The following CHRM1 variants were observed in gnomAD, a reference collection of about 807,000 sequenced individuals.
CHRM1 encodes muscarinic acetylcholine receptor M1.
Under a neutral mutation model 31.6 loss-of-function variants are expected in CHRM1, and 5 were observed. That is an observed-to-expected ratio of 0.16 (90% CI 0.08 to 0.33). The LOEUF (loss-of-function observed/expected upper bound fraction) is 0.33. CHRM1 is among the 10% of genes least tolerant of loss of function. CHRM1 has a pLI of 1.00. For missense variants in CHRM1, 338 were observed against 610.3 expected, an observed-to-expected ratio of 0.55 and a Z score of 4.70; for synonymous variants, 227 against 249.7, an observed-to-expected ratio of 0.91 and a Z score of 0.86.
Position 62,909,543 on chromosome 11 carries a change from T to C in CHRM1, c.*175A>G, listed in dbSNP as rs2085855791. On this transcript the variant is annotated 3_prime_UTR_variant, in exon 2 of 2. Transcript: ENST00000306960. ...CCGGGTTTCCCTCCCTGCCTGGGAATAGCGAAGTCTGGAAAGTTGGCAGGG... is the reference window on the plus strand; with the variant it reads ...CCGGGTTTCCCTCCCTGCCTGGGAACAGCGAAGTCTGGAAAGTTGGCAGGG... 1.4e-6 allele frequency: 1 copy of C among 715,160 alleles called. No individual in the cohort carries two copies. 44.3% of individuals were successfully genotyped at this position (715,160 alleles called of 1,614,324 possible).
rs1269038040 is a variant in CHRM1, at chr11:62,909,148, G to A, written c.*570C>T. On this transcript the variant is annotated 3_prime_UTR_variant, in exon 2 of 2. Coordinates refer to ENST00000306960, the MANE Select transcript of CHRM1 (RefSeq NM_000738.3). ...CTGATGCTTGGACATTTGCCTTGGA[G>A]TTGACCCACCTAGGGACCCTCTGAG... 1 of 153,864 alleles carries A rather than the reference G, an allele frequency of 6.5e-6. No homozygotes were observed. The highest frequency in any genetic ancestry group is 1.4e-5 in the Non-Finnish European group (1 of 69,290). 9.5% of individuals were successfully genotyped at this position (153,864 alleles called of 1,614,324 possible). A position where few individuals can be genotyped will look rare whatever the true frequency, so the allele number is the denominator to read the frequency against.
In CHRM1 at chr11:62,909,787, G is replaced by C; in HGVS notation, c.1314C>G (p.Asp438Glu). The C allele has an allele frequency of 6.2e-7, 1 of 1,614,214 alleles. No homozygotes were observed. Among genetic ancestry groups the C allele is most frequent in the South Asian group, 1.1e-5 (1 of 91,088 alleles). ...TFRLLLLCRWDKRRWRKIPKR... is the reference protein window; with the variant it reads ...TFRLLLLCRWEKRRWRKIPKR... Reference sequence around the variant, plus strand: ...TGGGGATCTTGCGCCAGCGTCTCTTGTCCCAGCGGCAAAGCAGCAGCAGGC... The same window carrying C: ...TGGGGATCTTGCGCCAGCGTCTCTTCTCCCAGCGGCAAAGCAGCAGCAGGC... Residue 438 changes from aspartate (D) to glutamate (E), a missense_variant, in exon 2 of 2, where the codon GAC (aspartate) becomes GAG (glutamate). By Grantham distance (45) the Asp-to-Glu change is conservative. Coordinates refer to ENST00000306960, the MANE Select transcript of CHRM1 (RefSeq NM_000738.3).
At chr11:62,913,125 G>T (rs188581571) in intron 1 of CHRM1, among the ~76,000 whole-genome samples, 3 of 152,122 alleles carry the variant, frequency 2.0e-5, no homozygotes, top group African/African-American at 7.2e-5. Context: ...CAGACTATCT[G>T]GATTTGAATC....
chr11:62,914,296 T>A (rs1413445553), intron 1 of CHRM1, among the ~76,000 whole-genome samples: 1 of 152,056 alleles, frequency 6.6e-6, no homozygotes, highest in African/African-American at 2.4e-5. Flanking sequence ...AGCAAGGGAA[T>A]TTGTACGAGA....
chr11:62,915,099 C>T (rs2085893540), intron 1 of CHRM1, among the ~76,000 whole-genome samples: 1 of 146,684 alleles, frequency 6.8e-6, no homozygotes, highest in Non-Finnish European at 1.5e-5. Context: ...CACTTGAGCC[C>T]AGGAGGCAGA....
intron 1 of CHRM1, among the ~76,000 whole-genome samples, chr11:62,916,330 T>A (rs931105852): frequency 6.6e-6 from 1 of 152,238 alleles, no homozygotes; most frequent in Non-Finnish European, 1.5e-5. Context: ...GAGGCAAGGC[T>A]GAAGGCTCAA....
chr11:62,909,728 C>G lies in CHRM1; in HGVS notation c.1373G>C (p.Arg458Pro). 1 of 1,613,460 alleles carries G rather than the reference C, an allele frequency of 6.2e-7. No homozygotes were observed. Among genetic ancestry groups the G allele is most frequent in the Non-Finnish European group, 8.5e-7 (1 of 1,179,582 alleles). ...CAGGAGAGGGGACTATCAGCATTGG[C>G]GGGAGGGAGTGCGGTGCACGGAGCC... ...RPGSVHRTPS[R>P]QC Residue 458 changes from arginine (R) to proline (P), a missense_variant, in exon 2 of 2, where the codon CGC becomes CCC. By Grantham distance (103) the Arg-to-Pro change is moderately radical. Coordinates refer to ENST00000306960, the MANE Select transcript of CHRM1 (RefSeq NM_000738.3).
chr11:62,918,449 C>A (rs1375370556), intron 1 of CHRM1: 3 of 152,236 alleles, frequency 2.0e-5, no homozygotes, highest in Admixed American at 1.3e-4. Flanking sequence ...GGTCCAGAGG[C>A]CCCTCTTCTC....
chr11:62,912,487 G>C (rs1180992493), intron 1 of CHRM1, among the ~76,000 whole-genome samples: 3 of 152,116 alleles, frequency 2.0e-5, no homozygotes, highest in African/African-American at 7.2e-5. Flanking sequence ...GGGTGTGGGA[G>C]GCTTCCCTCC....
intron 1 of CHRM1, among the ~76,000 whole-genome samples, chr11:62,916,629 G>A (rs143671688): frequency 1.5e-3 from 226 of 152,332 alleles, no homozygotes; most frequent in African/African-American, 5.3e-3. Flanking sequence ...CTGGATGGCA[G>A]GCACTTAATA....
intron 1 of CHRM1, chr11:62,917,852 A>G (rs532254426): frequency 1.3e-5 from 2 of 152,300 alleles, no homozygotes; most frequent in Admixed American, 6.5e-5. Flanking sequence ...TATACCAGAC[A>G]TGGCTCTAAG....
At position 62,909,918 on chromosome 11, in the gene CHRM1, C is replaced by G. The variant is rs1175739065; in HGVS notation, c.1183G>C (p.Val395Leu). The change falls in exon 2 of 2, where the codon GTT becomes CTT. Residue 395 changes from valine (V) to leucine (L), a missense_variant. Physicochemically the swap from Val to Leu is conservative, Grantham distance 32. Around this residue, in one of 4 missense-constraint regions of CHRM1, gnomAD observed 68 missense variants for 108.5 expected, o/e 0.63. Coordinates refer to ENST00000306960, the MANE Select transcript of CHRM1 (RefSeq NM_000738.3). ...CCCAGCTCCCACAGGGTCTCGGGAA[C>G]ACAGTCCTTGCAGAAGGTGGACACC... is the stretch of plus-strand genomic sequence containing the variant. ...VLVSTFCKDC[V>L]PETLWELGYW... The G allele has an allele frequency of 1.2e-6, 2 of 1,614,078 alleles. No homozygotes were observed. The highest frequency in any genetic ancestry group is 2.7e-5 in the African/African-American group (2 of 74,926).
In CHRM1 at chr11:62,910,636, C is replaced by T; in HGVS notation, c.465G>A (p.Val155=). The T allele has an allele frequency of 6.2e-7, 1 of 1,614,180 alleles. No individual in the cohort carries two copies. The highest frequency in any genetic ancestry group is 8.5e-7 in the Non-Finnish European group (1 of 1,180,042). ...AGAAGAGGATGGCTGGGGCCCAGAG[C>T]ACAAAGGAAACCAGCCAGGCCAGGC... The part of the protein sequence containing the change: ...MIGLAWLVSF[V]LWAPAILFWQ... Residue 155 remains valine (V), a synonymous_variant, in exon 2 of 2, where the codon GTG becomes GTA. Transcript: ENST00000306960. The surrounding 1 kb of genome is among the most constrained non-coding windows in gnomAD (Gnocchi z 8.7).
In CHRM1 at chr11:62,909,775, C is replaced by G; in HGVS notation, c.1326G>C (p.Trp442Cys). The G allele has an allele frequency of 6.2e-7, 1 of 1,614,206 alleles. No homozygotes were observed. Among genetic ancestry groups the G allele is most frequent in the Non-Finnish European group, 8.5e-7 (1 of 1,180,006 alleles). ...AGCCAGGGCGCTTGGGGATCTTGCG[C>G]CAGCGTCTCTTGTCCCAGCGGCAAA... ...LLLCRWDKRR[W>C]RKIPKRPGSV... The change falls in exon 2 of 2, where the codon TGG becomes TGC. Residue 442 changes from tryptophan to cysteine, a missense_variant. Physicochemically the swap from Trp to Cys is radical, Grantham distance 215 (BLOSUM62 -2). Transcript: ENST00000306960.
Position 62,910,179 on chromosome 11 carries a change from C to T in CHRM1, c.922G>A (p.Asp308Asn). ...SEVVIKMPMV[D>N]PEAQAPTKQP... ...TTGGTGGGGGCCTGTGCCTCGGGGT[C>T]CACCATTGGCATCTTGATCACCACT... The change falls in exon 2 of 2, where the codon GAC becomes AAC. Residue 308 changes from aspartate (D) to asparagine (N), a missense_variant. Asp to Asn is a conservative substitution (Grantham distance 23). Transcript: ENST00000306960. The surrounding 1 kb of genome is among the most constrained non-coding windows in gnomAD (Gnocchi z 8.7). The T allele has an allele frequency of 6.2e-7, 1 of 1,602,406 alleles. No homozygotes were observed. Among genetic ancestry groups the T allele is most frequent in the Non-Finnish European group, 8.5e-7 (1 of 1,174,574 alleles).
At chr11:62,920,420 T>C (rs2135050176) in intron 1 of CHRM1, among the ~76,000 whole-genome samples, 1 of 152,242 alleles carries the variant, frequency 6.6e-6, no homozygotes, top group Admixed American at 6.5e-5. Context: ...ATCCCCATGT[T>C]GTGCAGTCTG....
At chr11:62,920,931 G>A (rs531716037) in intron 1 of CHRM1, among the ~76,000 whole-genome samples, 1 of 152,070 alleles carries the variant, frequency 6.6e-6, no homozygotes, top group Admixed American at 6.5e-5. Context: ...TCCCTTCTGG[G>A]CCTCAGGTCC....
chr11:62,912,367 CA>C (rs571661164), intron 1 of CHRM1, among the ~76,000 whole-genome samples: 4,040 of 67,182 alleles, frequency 0.06, 37 homozygotes, highest in South Asian at 0.1. Context: ...GACTCCATCT[CA>C]AAAAAAAAAA....
At chr11:62,912,438 G>A (rs1356042558) in intron 1 of CHRM1, among the ~76,000 whole-genome samples, 1 of 151,966 alleles carries the variant, frequency 6.6e-6, no homozygotes, top group Admixed American at 6.6e-5. Context: ...GCAGGGATGA[G>A]GGCCTCAGCT....
Sources: gnomAD v4.1 joint callset for allele counts (sites outside exome capture counted in the v4.1 genomes callset) on GRCh38, gnomAD v4.1.1 for gene constraint, gnomAD v4.1.1 regional missense constraint, Gnocchi (gnomAD v3.1) non-coding constraint, MANE v1.5 for transcripts, NCBI Gene and HGNC (gene_info 2026-07-23, HGNC 2026-07-21) for gene names.